The following UVRAG variants were observed in gnomAD, a reference collection of about 807,000 sequenced individuals.
The protein encoded by UVRAG is UV radiation resistance associated.
A neutral mutation model predicts 78.0 loss-of-function variants in UVRAG; 19 were observed. The observed-to-expected ratio is 0.24, with a 90% CI of 0.17 to 0.36. The LOEUF (loss-of-function observed/expected upper bound fraction) is 0.36, where lower values mean the gene tolerates loss of function less well. Among genes scored for constraint, UVRAG ranks in the 10% least tolerant of loss-of-function variants. The pLI is 1.00. For synonymous variants in UVRAG, 323 were observed against 324.6 expected (o/e 1.00, Z 0.05); for missense variants, 740 against 853.8 (o/e 0.87, Z 1.66).
At chr11:76,079,168 C>T (rs190215482) in intron 13 of UVRAG, among the ~76,000 whole-genome samples, 4 of 152,226 alleles carry the variant, frequency 2.6e-5, no homozygotes, top group East Asian at 1.9e-4. Context: ...TTGTTTGACT[C>T]GCGACAGCAT....
At chr11:76,135,991 C>G (rs78297913) in intron 14 of UVRAG, among the ~76,000 whole-genome samples, 1,554 of 152,236 alleles carry the variant, frequency 0.01, 31 homozygotes, top group African/African-American at 0.035. Flanking sequence ...AAATTGTCAA[C>G]AGCCTTTAAA....
chr11:76,053,361 G>T (rs1439783180), intron 12 of UVRAG, among the ~76,000 whole-genome samples: 2 of 138,528 alleles, frequency 1.4e-5, no homozygotes, highest in East Asian at 4.0e-4. Flanking sequence ...ATATGCACCT[G>T]CTCCTTCTCC....
chr11:75,848,900 T>C (rs1052526931), intron 1 of UVRAG, among the ~76,000 whole-genome samples: 7 of 152,344 alleles, frequency 4.6e-5, no homozygotes, highest in African/African-American at 1.7e-4. Context: ...AAGACTAGGC[T>C]GGGTGTGGTG....
intron 5 of UVRAG, among the ~76,000 whole-genome samples, chr11:75,906,783 T>C (rs1947624850): frequency 6.6e-6 from 1 of 152,254 alleles, no homozygotes; most frequent in African/African-American, 2.4e-5. Flanking sequence ...AAAAGACTTA[T>C]TTCCCCATTG....
rs753910704 is a variant in UVRAG, at chr11:75,857,483, CTT to C, written c.236-4259_236-4258del. Among the ~76,000 whole-genome samples the C allele has an allele frequency of 3.9e-3, 583 of 150,924 alleles. 1 individual carries two copies. The highest frequency in any genetic ancestry group is 0.013 in the African/African-American group (525 of 40,692). On this transcript the variant is annotated intron_variant, in intron 2 of 14. Coordinates refer to ENST00000356136, the MANE Select transcript of UVRAG (RefSeq NM_003369.4). ...TGCTTCCACCTTCTTGCAGATCTTT[CTT>C]TTTCCCCCCCCCTTTTTTTTTTGAG... is the stretch of plus-strand genomic sequence containing the variant.
rs149642956 is a variant in UVRAG at position 75,926,842 on chromosome 11, G to A, written c.593+14803G>A. Among the ~76,000 whole-genome samples the A allele has an allele frequency of 4.6e-3, 695 of 152,072 alleles. 5 individuals carry two copies. Among genetic ancestry groups the A allele is most frequent in the African/African-American group, 0.016 (662 of 41,462 alleles). On this transcript the variant is annotated intron_variant, in intron 6 of 14. Transcript: ENST00000356136. ...AGAGGACTTTGGGGATATAGTTGCCGTCTTTAAACAGTTATGTAGTTAATT... is the reference window on the plus strand; with the variant it reads ...AGAGGACTTTGGGGATATAGTTGCCATCTTTAAACAGTTATGTAGTTAATT...
intron 13 of UVRAG, among the ~76,000 whole-genome samples, chr11:76,091,489 G>A (rs1477978375): frequency 1.3e-5 from 2 of 151,602 alleles, no homozygotes; most frequent in Non-Finnish European, 2.9e-5. Flanking sequence ...ATCTCTTCCT[G>A]GACTACTATC....
rs199960445 is a variant in UVRAG at position 76,141,158 on chromosome 11, C to T, written c.1845C>T (p.Gly615=). The T allele has an allele frequency of 8.1e-5, 131 of 1,614,046 alleles. No individual in the cohort carries two copies. Among genetic ancestry groups the T allele is most frequent in the Admixed American group, 1.7e-4 (10 of 60,010 alleles). ...QAGSASVQLP[G]EFHPVSEAEL... The stretch of plus-strand genomic sequence containing the variant: ...GGTCCGCCAGTGTCCAGCTTCCAGG[C>T]GAGTTCCACCCAGTCTCAGAAGCTG... The change falls in exon 15 of 15, where the codon GGC becomes GGT. Residue 615 remains glycine, a synonymous_variant. Coordinates refer to ENST00000356136, the MANE Select transcript of UVRAG (RefSeq NM_003369.4).
At chr11:75,850,967 A>T (rs566440585) in intron 1 of UVRAG, among the ~76,000 whole-genome samples, 25 of 152,306 alleles carry the variant, frequency 1.6e-4, no homozygotes, top group African/African-American at 5.8e-4. Flanking sequence ...CTGTAATTGA[A>T]AGTGGACTTA....
At chr11:76,024,600 T>C (rs1424046186) in intron 12 of UVRAG, among the ~76,000 whole-genome samples, 1 of 152,228 alleles carries the variant, frequency 6.6e-6, no homozygotes, top group Non-Finnish European at 1.5e-5. Context: ...TAGTGTTACA[T>C]AAGTTAATGA....
intron 13 of UVRAG, among the ~76,000 whole-genome samples, chr11:76,076,455 T>C (rs1951405585): frequency 6.6e-6 from 1 of 152,166 alleles, no homozygotes; most frequent in African/African-American, 2.4e-5. Flanking sequence ...GTGAGACTTA[T>C]TCACTATCAC....
intron 14 of UVRAG, among the ~76,000 whole-genome samples, chr11:76,121,611 C>A (rs1952277353): frequency 6.6e-6 from 1 of 152,168 alleles, no homozygotes; most frequent in South Asian, 2.1e-4. Context: ...TGTGAGTGGG[C>A]TGTGTGATGG....
At chr11:76,107,924 A>G (rs564831428) in intron 13 of UVRAG, among the ~76,000 whole-genome samples, 1 of 152,258 alleles carries the variant, frequency 6.6e-6, no homozygotes, top group East Asian at 1.9e-4. Flanking sequence ...CTCTAAAGTT[A>G]AATCTTTGAT....
At chr11:75,830,792 C>G (rs1945638970) in intron 1 of UVRAG, among the ~76,000 whole-genome samples, 1 of 152,144 alleles carries the variant, frequency 6.6e-6, no homozygotes, top group Admixed American at 6.5e-5. Context: ...TTTCATTCTA[C>G]AAATACTGTG....
intron 12 of UVRAG, among the ~76,000 whole-genome samples, chr11:76,018,555 C>T (rs755858626): frequency 3.3e-5 from 5 of 152,004 alleles, no homozygotes; most frequent in African/African-American, 9.7e-5. Context: ...AATACAGGCA[C>T]GCACCAGCAC....
intron 4 of UVRAG, 76 bp downstream of exon 4, chr11:75,880,116 A>T: frequency 6.5e-7 from 1 of 1,537,680 alleles, no homozygotes; most frequent in African/African-American, 1.4e-5. Context: ...GATTCTTCTG[A>T]TTCTGCGTTT....
At chr11:76,012,715 G>C (rs532623556) in intron 11 of UVRAG, among the ~76,000 whole-genome samples, 1 of 151,858 alleles carries the variant, frequency 6.6e-6, no homozygotes. Flanking sequence ...AGGAGACCTG[G>C]ACACAGTGGG....
chr11:76,076,045 G>C (rs147145928), intron 13 of UVRAG, among the ~76,000 whole-genome samples: 9 of 152,164 alleles, frequency 5.9e-5, no homozygotes, highest in Non-Finnish European at 1.3e-4. Context: ...TAAGAATGCT[G>C]TTATGAACAT....
intron 6 of UVRAG, among the ~76,000 whole-genome samples, chr11:75,923,691 A>G (rs1489009818): frequency 6.6e-6 from 1 of 152,180 alleles, no homozygotes; most frequent in Admixed American, 6.5e-5. Flanking sequence ...CAATCCCTTT[A>G]GTACTCATCG....
Sources: allele counts gnomAD v4.1 joint callset (sites outside exome capture counted in the v4.1 genomes callset), GRCh38; gene constraint gnomAD v4.1.1; transcripts MANE v1.5; gene names NCBI Gene and HGNC (gene_info 2026-07-23, HGNC 2026-07-21).